Variants in CNTNAP2 observed in about 807,000 individuals in gnomAD.
The protein encoded by CNTNAP2 is contactin associated protein 2.
A neutral mutation model predicts 155.2 loss-of-function variants in CNTNAP2; 98 were observed. That is an observed-to-expected ratio of 0.63 (90% CI 0.54 to 0.75). CNTNAP2 has a LOEUF of 0.75. Among genes scored for constraint, CNTNAP2 ranks in the 30% least tolerant of loss-of-function variants. The pLI, the probability that CNTNAP2 is intolerant of heterozygous loss-of-function variation, is 0.00. For missense variants in CNTNAP2, 1,727 were observed against 1,688.1 expected, an observed-to-expected ratio of 1.02 and a Z score of -0.40; for synonymous variants, 651 against 631.2, an observed-to-expected ratio of 1.03 and a Z score of -0.47.
At chr7:147,690,336 C>A (rs1796069941) in intron 13 of CNTNAP2, among the ~76,000 whole-genome samples, 1 of 152,148 alleles carries the variant, frequency 6.6e-6, no homozygotes, top group Non-Finnish European at 1.5e-5. Context: ...TTCTCTACTT[C>A]TTTAAAACCA....
intron 13 of CNTNAP2, among the ~76,000 whole-genome samples, chr7:147,894,575 T>C (rs1220919744): frequency 6.6e-6 from 1 of 152,184 alleles, no homozygotes; most frequent in Non-Finnish European, 1.5e-5. Context: ...TAGATAAGGT[T>C]GTAATTGTAC....
intron 12 of CNTNAP2, among the ~76,000 whole-genome samples, chr7:147,612,529 T>C (rs1801207670): frequency 6.6e-6 from 1 of 151,726 alleles, no homozygotes; most frequent in Admixed American, 6.6e-5. Context: ...GCCTCTTAAG[T>C]AGCTGGGATT....
At chr7:147,065,316 G>A (rs1162229520) in intron 4 of CNTNAP2, among the ~76,000 whole-genome samples, 1 of 152,100 alleles carries the variant, frequency 6.6e-6, no homozygotes, top group African/African-American at 2.4e-5. Flanking sequence ...CTTCACTAGA[G>A]GCTATTTTGT....
intron 8 of CNTNAP2, among the ~76,000 whole-genome samples, chr7:147,151,785 G>A (rs1269740974): frequency 6.6e-6 from 1 of 152,034 alleles, no homozygotes; most frequent in Admixed American, 6.5e-5. Context: ...TTCCTTTTAG[G>A]GATTTTTTTA....
chr7:146,924,678 G>A (rs1419462604), intron 3 of CNTNAP2, among the ~76,000 whole-genome samples: 1 of 151,998 alleles, frequency 6.6e-6, no homozygotes, highest in Non-Finnish European at 1.5e-5. Context: ...TAGGAAGTCA[G>A]ATGATCTTAC....
At chr7:146,899,746 C>G (rs1795954175) in intron 3 of CNTNAP2, among the ~76,000 whole-genome samples, 1 of 152,124 alleles carries the variant, frequency 6.6e-6, no homozygotes, top group Admixed American at 6.5e-5. Context: ...TATGCATTCA[C>G]CAACATCTGG....
chr7:147,567,862 G>T (rs1014560261), intron 12 of CNTNAP2, among the ~76,000 whole-genome samples: 29 of 152,140 alleles, frequency 1.9e-4, no homozygotes, highest in Non-Finnish European at 3.2e-4. Context: ...AAGGTGGGTG[G>T]ATCACCTGAG....
chr7:147,337,218 G>T (rs549581072), intron 9 of CNTNAP2, among the ~76,000 whole-genome samples: 23 of 152,220 alleles, frequency 1.5e-4, no homozygotes, highest in Admixed American at 3.3e-4. Flanking sequence ...GATGTATGGT[G>T]AGCCAGCCCC....
chr7:146,713,738 T>C (rs1801138660), intron 1 of CNTNAP2, among the ~76,000 whole-genome samples: 1 of 152,162 alleles, frequency 6.6e-6, no homozygotes, highest in Admixed American at 6.6e-5. Context: ...TGCCAACGTT[T>C]ACTCAAGAAA....
chr7:146,129,441 A>C (rs1797683719), intron 1 of CNTNAP2, among the ~76,000 whole-genome samples: 1 of 152,142 alleles, frequency 6.6e-6, no homozygotes, highest in African/African-American at 2.4e-5. Flanking sequence ...CAAAGTCTCA[A>C]GTGGTGGCGC....
chr7:146,389,660 T>C (rs1034363782), intron 1 of CNTNAP2, among the ~76,000 whole-genome samples: 1 of 151,434 alleles, frequency 6.6e-6, no homozygotes, highest in East Asian at 1.9e-4. Context: ...CATTGTCTTT[T>C]CTCTGAGCCA....
intron 1 of CNTNAP2, among the ~76,000 whole-genome samples, chr7:146,241,220 A>G (rs934527705): frequency 2.6e-5 from 4 of 152,200 alleles, no homozygotes; most frequent in African/African-American, 9.6e-5. Context: ...AAACTACATC[A>G]GGAGGTAAGG....
intron 15 of CNTNAP2, among the ~76,000 whole-genome samples, chr7:148,093,263 T>C (rs766715416): frequency 6.6e-6 from 1 of 152,102 alleles, no homozygotes; most frequent in Non-Finnish European, 1.5e-5. Context: ...TGTGATCATA[T>C]ATGTGCATCA....
intron 1 of CNTNAP2, among the ~76,000 whole-genome samples, chr7:146,289,635 C>T (rs1041251687): frequency 2.4e-4 from 37 of 152,196 alleles, no homozygotes; most frequent in Middle Eastern, 3.4e-3. Flanking sequence ...TAAATATGAG[C>T]GATTTGGGCC....
intron 22 of CNTNAP2, among the ~76,000 whole-genome samples, chr7:148,393,752 A>C (rs1472341199): frequency 6.6e-6 from 1 of 152,136 alleles, no homozygotes; most frequent in Non-Finnish European, 1.5e-5. Flanking sequence ...TATTCTTTTA[A>C]ATGTGGCTGT....
chr7:146,260,063 G>C (rs1315112581), intron 1 of CNTNAP2, among the ~76,000 whole-genome samples: 1 of 152,208 alleles, frequency 6.6e-6, no homozygotes, highest in Non-Finnish European at 1.5e-5. Context: ...GTGGCTAAAA[G>C]GAGGCCAAGG....
chr7:146,196,998 A>C (rs1254712860), intron 1 of CNTNAP2, among the ~76,000 whole-genome samples: 1 of 152,118 alleles, frequency 6.6e-6, no homozygotes, highest in Non-Finnish European at 1.5e-5. Flanking sequence ...TCCCCAGTGA[A>C]TTTCATTTAT....
At chr7:147,515,538 G>T (rs35705856) in intron 11 of CNTNAP2, among the ~76,000 whole-genome samples, 26,968 of 151,786 alleles carry the variant, frequency 0.18, 3,177 homozygotes, top group Non-Finnish European at 0.27. Flanking sequence ...GGCCAGGATG[G>T]TCTCGATCTC....
At chr7:146,864,986 T>A in intron 3 of CNTNAP2, among the ~76,000 whole-genome samples, 3 of 78,038 alleles carry the variant, frequency 3.8e-5, no homozygotes, top group African/African-American at 7.0e-5. Flanking sequence ...TGACAGAGTC[T>A]ATCTAAAAAA....
Sources: allele counts gnomAD v4.1 joint callset (sites outside exome capture counted in the v4.1 genomes callset), GRCh38; gene constraint gnomAD v4.1.1; transcripts MANE v1.5; gene names NCBI Gene and HGNC (gene_info 2026-07-23, HGNC 2026-07-21).